PNPLA6: variants seen among roughly 807,000 people sequenced by gnomAD.
PNPLA6 encodes patatin-like phospholipase domain-containing protein 6.
Under a neutral mutation model 153.7 loss-of-function variants are expected in PNPLA6, and 105 were observed. The ratio of observed to expected loss-of-function variants is 0.68; its 90% CI spans 0.58 to 0.80. The LOEUF (loss-of-function observed/expected upper bound fraction) is 0.80. Ranked by LOEUF, PNPLA6 falls within the 30% of genes least tolerant of loss-of-function variation. The pLI, the probability that PNPLA6 is intolerant of heterozygous loss-of-function variation, is 0.00. For missense variants in PNPLA6, 1,423 were observed against 1,919.3 expected, an observed-to-expected ratio of 0.74 and a Z score of 4.83; for synonymous variants, 825 against 822.2, an observed-to-expected ratio of 1.00 and a Z score of -0.06.
In PNPLA6 at chr19:7,549,897, G is replaced by T. The variant is rs556461183; in HGVS notation, c.1609-10G>T. 55 of 1,613,110 alleles carry T rather than the reference G, an allele frequency of 3.4e-5. No homozygotes were observed. The highest frequency in any genetic ancestry group is 4.4e-5 in the Non-Finnish European group (52 of 1,179,954). On this transcript the variant is annotated splice_polypyrimidine_tract_variant and intron_variant, in intron 13 of 31. Transcript: ENST00000600737. Reference sequence around the variant, plus strand: ...GGGTTCTGTGTTCATCACATCCCCTGCCCGCACAGGACGTGAGCCTGCACT... The same window carrying T: ...GGGTTCTGTGTTCATCACATCCCCTTCCCGCACAGGACGTGAGCCTGCACT...
In PNPLA6 at chr19:7,550,124, C is replaced by G; in HGVS notation, c.1814+12C>G. ...TCCGACTTCTATGAGTATGACAGCC[C>G]GAAGTTGGAGTGTGGGTGGCACTCG... On this transcript the variant is annotated intron_variant, in intron 14 of 31. Coordinates refer to ENST00000600737, the MANE Select transcript of PNPLA6 (RefSeq NM_001166114.2). The G allele has an allele frequency of 6.2e-7, 1 of 1,613,878 alleles. No homozygotes were observed. Among genetic ancestry groups the G allele is most frequent in the Non-Finnish European group, 8.5e-7 (1 of 1,179,964 alleles).
At chr19:7,544,689 T>C (rs2023310398) in intron 13 of PNPLA6, among the ~76,000 whole-genome samples, 1 of 151,490 alleles carries the variant, frequency 6.6e-6, no homozygotes, top group East Asian at 2.0e-4. Context: ...AGGGTTGGGG[T>C]GGGGTGGGAG....
chr19:7,534,323 C>A, upstream of PNPLA6: 1 of 232,206 alleles, frequency 4.3e-6, no homozygotes, highest in South Asian at 5.3e-5. Flanking sequence ...ATCTGTCCTC[C>A]GATTCCTGTT....
At position 7,540,385 on chromosome 19, in the gene PNPLA6, G is replaced by A; in HGVS notation, c.714+77G>A. ...GCAGCAGGCATTGGTCTGTAGAGCTGGTGGTCTTTGGAGATGCGTCATCGG... is the reference window on the plus strand; with the variant it reads ...GCAGCAGGCATTGGTCTGTAGAGCTAGTGGTCTTTGGAGATGCGTCATCGG... On this transcript the variant is annotated intron_variant, in intron 5 of 31. Coordinates refer to ENST00000600737, the MANE Select transcript of PNPLA6 (RefSeq NM_001166114.2). This position sits in a 1 kb window ranked among gnomAD's most constrained non-coding sequence, Gnocchi z 6.8. 6.7e-7 allele frequency: 1 copy of A among 1,483,404 alleles called. No homozygotes were observed. Among genetic ancestry groups the A allele is most frequent in the Non-Finnish European group, 9.1e-7 (1 of 1,098,254 alleles). The allele number at this position is 1,483,404 out of a possible 1,614,324, so 91.9% of individuals were successfully genotyped here.
upstream of PNPLA6, chr19:7,535,460 G>C (rs2022807272): frequency 7.5e-7 from 1 of 1,333,532 alleles, no homozygotes; most frequent in Admixed American, 2.0e-5. This position sits in a 1 kb window ranked among gnomAD's most constrained non-coding sequence, Gnocchi z 5.0. Flanking sequence ...GGAGAGGTGG[G>C]CCCAGATTGA....
At chr19:7,545,167 C>T (rs1039372118) in intron 13 of PNPLA6, among the ~76,000 whole-genome samples, 1 of 152,134 alleles carries the variant, frequency 6.6e-6, no homozygotes, top group Admixed American at 6.6e-5. Flanking sequence ...GCTGGGACTA[C>T]AGTCACGTGC....
intron 17 of PNPLA6, 82 bp from the exon 18 acceptor site, chr19:7,551,280 A>C: frequency 7.1e-7 from 1 of 1,408,348 alleles, no homozygotes; most frequent in Non-Finnish European, 1.0e-6. Flanking sequence ...GGCACCCAGG[A>C]GCCCCGGCAT....
In PNPLA6 at chr19:7,540,394, T is replaced by C; in HGVS notation, c.714+86T>C. 1 of 1,431,156 alleles carries C rather than the reference T, an allele frequency of 7.0e-7. No homozygotes were observed. The highest frequency in any genetic ancestry group is 9.5e-7 in the Non-Finnish European group (1 of 1,053,986). 88.7% of individuals were successfully genotyped at this position (1,431,156 alleles called of 1,614,324 possible). A position where few individuals can be genotyped will look rare whatever the true frequency, so the allele number is the denominator to read the frequency against. ...ATTGGTCTGTAGAGCTGGTGGTCTTTGGAGATGCGTCATCGGGAGTCAGGG... is the reference window on the plus strand; with the variant it reads ...ATTGGTCTGTAGAGCTGGTGGTCTTCGGAGATGCGTCATCGGGAGTCAGGG... On this transcript the variant is annotated intron_variant, in intron 5 of 31. Transcript: ENST00000600737. This position sits in a 1 kb window ranked among gnomAD's most constrained non-coding sequence, Gnocchi z 6.8.
intron 13 of PNPLA6, among the ~76,000 whole-genome samples, chr19:7,544,578 A>G (rs954035936): frequency 8.5e-5 from 13 of 152,144 alleles, no homozygotes; most frequent in Admixed American, 8.5e-4. Context: ...GAGGGTGTTT[A>G]GCAGCAGCTT....
chr19:7,536,834 G>A (rs2022893224), intron 3 of PNPLA6, among the ~76,000 whole-genome samples: 1 of 148,932 alleles, frequency 6.7e-6, no homozygotes, highest in Admixed American at 6.9e-5. Context: ...GGGTGAGACA[G>A]GAGAATCACT....
intron 3 of PNPLA6, among the ~76,000 whole-genome samples, chr19:7,537,490 G>C (rs2022931804): frequency 6.6e-6 from 1 of 152,172 alleles, no homozygotes; most frequent in Admixed American, 6.5e-5. Flanking sequence ...TGCGAGAAAG[G>C]CTCTCCAACT....
intron 26 of PNPLA6, 175 bp from the exon 27 acceptor site, chr19:7,556,993 G>A: frequency 4.0e-6 from 3 of 744,140 alleles, no homozygotes; most frequent in South Asian, 2.8e-5. Flanking sequence ...GTCCGGGCCA[G>A]CGCCTCCTAC....
rs768125081 is a variant in PNPLA6 at position 7,560,687 on chromosome 19, T to C, written c.3739T>C (p.Trp1247Arg). 13 of 1,613,980 alleles carry C rather than the reference T, an allele frequency of 8.1e-6. No homozygotes were observed. The highest frequency in any genetic ancestry group is 1.0e-5 in the Non-Finnish European group (12 of 1,179,888). Residue 1247 changes from tryptophan (W) to arginine (R), a missense_variant, in exon 29 of 32, where the codon TGG becomes CGG. Trp to Arg is a moderately radical substitution (Grantham distance 101). Transcript: ENST00000600737. ...YQYGKAVFGG[W>R]SRGNVIEKML... ...GTACGGGAAGGCGGTGTTTGGAGGC[T>C]GGAGCCGTGGCAACGTCATTGAGAA...
Position 7,551,086 on chromosome 19 carries a change from C to T in PNPLA6, c.2163C>T (p.His721=). 6.5e-7 allele frequency: 1 copy of T among 1,542,290 alleles called. No homozygotes were observed. Among genetic ancestry groups the T allele is most frequent in the Non-Finnish European group, 8.8e-7 (1 of 1,142,414 alleles). Residue 721 remains histidine, a synonymous_variant, in exon 17 of 32, where the codon CAC becomes CAT. Transcript: ENST00000600737. ...LAKLPEGTLG[H]IKRRYPQVVT... ...AGCTTCCCGAGGGCACCTTGGGTCA[C>T]ATCAAACGCCGGTACCCGCAGGTGC...
Position 7,554,983 on chromosome 19 carries a change from G to A in PNPLA6, c.2725G>A (p.Val909Met). 6.3e-7 allele frequency: 1 copy of A among 1,593,890 alleles called. No individual in the cohort carries two copies. Among genetic ancestry groups the A allele is most frequent in the Non-Finnish European group, 8.5e-7 (1 of 1,177,518 alleles). ...GGAGGGCGCGGGCCCCACGCGCACC[G>A]TGGAGTGGCTAAATATGCGCAGCTG... ...REEGAGPTRTVEWLNMRSWCS... is the reference protein window; with the variant it reads ...REEGAGPTRTMEWLNMRSWCS... The change falls in exon 22 of 32, where the codon GTG (valine) becomes ATG (methionine). Residue 909 changes from valine (V) to methionine (M), a missense_variant. By Grantham distance (21) the Val-to-Met change is conservative. This residue lies in a region of PNPLA6 where 643 missense variants were observed against 835.2 expected (regional missense o/e 0.77). Coordinates refer to ENST00000600737, the MANE Select transcript of PNPLA6 (RefSeq NM_001166114.2).
chr19:7,535,118 A>G, upstream of PNPLA6: 1 of 323,674 alleles, frequency 3.1e-6, no homozygotes, highest in Non-Finnish European at 6.0e-6. The surrounding 1 kb of genome is among the most constrained non-coding windows in gnomAD (Gnocchi z 5.0). Flanking sequence ...GGCTTGATCA[A>G]CCCTGCAGAG....
At chr19:7,542,474 A>C in intron 10 of PNPLA6, 87 bp from the exon 11 acceptor site, 8 of 965,386 alleles carry the variant, frequency 8.3e-6, no homozygotes, top group Non-Finnish European at 1.3e-5. Context: ...AGCTGGAACT[A>C]CAGGCCTGCA....
In PNPLA6 at chr19:7,556,716, A is replaced by G; in HGVS notation, c.3272A>G (p.His1091Arg). ...TDITASAMRVHKDGSLWRYVR... is the reference protein window; with the variant it reads ...TDITASAMRVRKDGSLWRYVR... ...ATCACCGCCTCAGCCATGCGAGTCC[A>G]CAAAGATGGTGGGTGTCCCCGCCCA... Residue 1091 changes from histidine to arginine, a missense_variant, in exon 26 of 32, where the codon CAC becomes CGC. Physicochemically the swap from His to Arg is conservative, Grantham distance 29. Around this residue, in one of 10 missense-constraint regions of PNPLA6, gnomAD observed 643 missense variants for 835.2 expected, o/e 0.77. Coordinates refer to ENST00000600737, the MANE Select transcript of PNPLA6 (RefSeq NM_001166114.2). The G allele has an allele frequency of 6.2e-7, 1 of 1,612,756 alleles. No homozygotes were observed. The highest frequency in any genetic ancestry group is 2.2e-5 in the East Asian group (1 of 44,854).
chr19:7,541,366 C>A lies in PNPLA6; in HGVS notation c.937C>A (p.Arg313=), dbSNP rs1383379021. ...LVRVVQIIMV[R]LQRVTFLALH... ...TCGAGCCCTGCAGATCATCATGGTG[C>A]GGCTGCAGCGAGTCACCTTCCTGGC... is the stretch of plus-strand genomic sequence containing the variant. The change falls in exon 8 of 32, where the codon CGG becomes AGG. Residue 313 remains arginine (R), a synonymous_variant. Transcript: ENST00000600737. The surrounding 1 kb of genome is among the most constrained non-coding windows in gnomAD (Gnocchi z 5.2). The A allele has an allele frequency of 1.9e-6, 3 of 1,613,528 alleles. No homozygotes were observed. The highest frequency in any genetic ancestry group is 4.5e-5 in the East Asian group (2 of 44,876).
Sources: gnomAD v4.1 joint callset for allele counts (sites outside exome capture counted in the v4.1 genomes callset) on GRCh38, gnomAD v4.1.1 for gene constraint, gnomAD v4.1.1 regional missense constraint, Gnocchi (gnomAD v3.1) non-coding constraint, MANE v1.5 for transcripts, NCBI Gene and HGNC (gene_info 2026-07-23, HGNC 2026-07-21) for gene names.